Variants in ALS2 observed in about 807,000 individuals in gnomAD.
ALS2 encodes alsin.
A neutral mutation model predicts 203.4 loss-of-function variants in ALS2; 117 were observed. The observed-to-expected ratio is 0.58, with a 90% CI of 0.50 to 0.67. ALS2 has a LOEUF of 0.67. ALS2 is among the 30% of genes least tolerant of loss of function. The pLI, the probability that ALS2 is intolerant of heterozygous loss-of-function variation, is 0.00. For synonymous variants in ALS2, 718 were observed against 725.9 expected (o/e 0.99, Z 0.17); for missense variants, 1,715 against 1,989.4 (o/e 0.86, Z 2.62).
At chr2:201,720,165 G>T in intron 23 of ALS2, 1 of 421,510 alleles carries the variant, frequency 2.4e-6, no homozygotes, top group Non-Finnish European at 4.6e-6. Flanking sequence ...CACAATAAAA[G>T]AAAACTACAG....
Position 201,727,734 on chromosome 2 carries a change from T to G in ALS2, c.2883A>C (p.Ala961=), listed in dbSNP as rs1410142840. The part of the protein sequence containing the change: ...HHVFPLATLW[A]EPLSEEAGGV... Reference sequence around the variant, plus strand: ...CACCAGCTTCTTCAGACAGTGGCTCTGCCCACAGCGTGGCCAGAGGGAAAA... The same window carrying G: ...CACCAGCTTCTTCAGACAGTGGCTCGGCCCACAGCGTGGCCAGAGGGAAAA... Residue 961 remains alanine (A), a synonymous_variant, in exon 16 of 34, where the codon GCA becomes GCC. Transcript: ENST00000264276. The G allele has an allele frequency of 6.4e-7, 1 of 1,551,734 alleles. No individual in the cohort carries two copies. Among genetic ancestry groups the G allele is most frequent in the East Asian group, 2.4e-5 (1 of 40,908 alleles).
intron 1 of ALS2, among the ~76,000 whole-genome samples, chr2:201,769,738 C>T (rs1488009502): frequency 6.6e-6 from 1 of 152,072 alleles, no homozygotes; most frequent in Non-Finnish European, 1.5e-5. Flanking sequence ...CACAAGAAAA[C>T]AAAAGCAGTT....
chr2:201,705,242 C>T (rs1277468587), intron 30 of ALS2, 42 bp from the exon 31 acceptor site: 47 of 1,587,402 alleles, frequency 3.0e-5, no homozygotes, highest in Non-Finnish European at 4.0e-5. Flanking sequence ...AAACTATTTT[C>T]TGCAACAACA....
rs780151065 is a variant in ALS2, at chr2:201,706,928, C to T, written c.4498G>A (p.Glu1500Lys). The T allele has an allele frequency of 1.1e-5, 17 of 1,613,934 alleles. No homozygotes were observed. The South Asian group carries it at 1.2e-4, about 11-fold the overall frequency. The change falls in exon 29 of 34, where the codon GAG becomes AAG. Residue 1500 changes from glutamate (E) to lysine (K), a missense_variant. Around this residue, in one of 3 missense-constraint regions of ALS2, gnomAD observed 1,227 missense variants for 1,413.5 expected, o/e 0.87. Transcript: ENST00000264276. ...FMLYALDNDR[E>K]EDIYWECVLR... ...ACACATTCCCAGTAAATGTCTTCCT[C>T]GCGATCATTATCCAAAGCATAAAGC...
At chr2:201,772,014 A>G (rs1316394620) in intron 1 of ALS2, among the ~76,000 whole-genome samples, 1 of 152,244 alleles carries the variant, frequency 6.6e-6, no homozygotes, top group African/African-American at 2.4e-5. Context: ...ACCAGACTTC[A>G]GTCTTCTGAA....
intron 30 of ALS2, 90 bp from the exon 31 acceptor site, chr2:201,705,290 G>T: frequency 6.8e-7 from 1 of 1,477,230 alleles, no homozygotes; most frequent in Non-Finnish European, 9.5e-7. Context: ...CAGGTCTTTG[G>T]TAATAACAGA....
intron 13 of ALS2, among the ~76,000 whole-genome samples, chr2:201,730,070 A>G (rs115180401): frequency 0.024 from 3,706 of 152,240 alleles, 64 homozygotes; most frequent in Middle Eastern, 0.071. Flanking sequence ...AAAGGTATAT[A>G]TCTGGAATAG....
At position 201,711,503 on chromosome 2, in the gene ALS2, A is replaced by G. The variant is rs567352590; in HGVS notation, c.4005-395T>C. Among the ~76,000 whole-genome samples, 16 of 152,320 alleles carry G rather than the reference A, an allele frequency of 1.1e-4. No homozygotes were observed. In the East Asian group the frequency reaches 3.1e-3, roughly 29 times the overall value. ...ATAGACCCGTTGGTGACAACAGAAA[A>G]ATGGAATAAAAGGAATAAAAGAGGG... On this transcript the variant is annotated intron_variant, in intron 25 of 33. Transcript: ENST00000264276.
chr2:201,761,875 A>C (rs1403088510), intron 3 of ALS2, 57 bp from the exon 4 acceptor site: 10 of 1,572,370 alleles, frequency 6.4e-6, no homozygotes, highest in Admixed American at 3.6e-5. Flanking sequence ...TTAACTAAAA[A>C]TTTTAACAGC....
intron 3 of ALS2, among the ~76,000 whole-genome samples, chr2:201,764,662 T>G (rs1330570525): frequency 6.6e-6 from 1 of 150,718 alleles, no homozygotes; most frequent in Non-Finnish European, 1.5e-5. Context: ...AATAAATAAA[T>G]AAATAAATAA....
chr2:201,753,286 G>T, intron 6 of ALS2, 44 bp from the exon 7 acceptor site: 2 of 1,494,060 alleles, frequency 1.3e-6, no homozygotes, highest in Non-Finnish European at 1.9e-6. Context: ...AGTATTCTCA[G>T]CAAGAATCGT....
intron 1 of ALS2, among the ~76,000 whole-genome samples, chr2:201,770,076 T>C (rs1694306908): frequency 1.3e-5 from 2 of 152,252 alleles, no homozygotes; most frequent in African/African-American, 4.8e-5. Context: ...TACTATGCTT[T>C]GTCCATGATA....
chr2:201,704,524 G>A lies in ALS2; in HGVS notation c.4768C>T (p.Leu1590Phe). 6.2e-7 allele frequency: 1 copy of A among 1,614,150 alleles called. No individual in the cohort carries two copies. The highest frequency in any genetic ancestry group is 8.5e-7 in the Non-Finnish European group (1 of 1,180,004). The part of the protein sequence containing the change: ...EEISQSVLAS[L>F]HEDFLWSMDD... ...ATGGACCACAAGAAGTCTTCGTGGA[G>A]TGACGCCAGGACACTCTGAGAGATC... Residue 1590 changes from leucine to phenylalanine, a missense_variant, in exon 32 of 34, where the codon CTC becomes TTC. Transcript: ENST00000264276.
Position 201,727,782 on chromosome 2 carries a change from C to G in ALS2, c.2842-7G>C, listed in dbSNP as rs1267746155. 1 of 1,551,640 alleles carries G rather than the reference C, an allele frequency of 6.4e-7. No individual in the cohort carries two copies. The highest frequency in any genetic ancestry group is 8.7e-7 in the Non-Finnish European group (1 of 1,146,950). On this transcript the variant is annotated splice_region_variant and splice_polypyrimidine_tract_variant and intron_variant, in intron 15 of 33. Coordinates refer to ENST00000264276, the MANE Select transcript of ALS2 (RefSeq NM_020919.4). ...AAACATGGTGCGTGGAGAACTGAAA[C>G]AGAGAACACGGAGGCACTTTTATGA... is the stretch of plus-strand genomic sequence containing the variant.
At chr2:201,722,549 C>T (rs78070262) in intron 23 of ALS2, 1 of 153,954 alleles carries the variant, frequency 6.5e-6, no homozygotes, top group East Asian at 1.9e-4. Flanking sequence ...TTTATAGCAG[C>T]ATTATTTACA....
intron 3 of ALS2, among the ~76,000 whole-genome samples, chr2:201,764,097 A>G (rs1363901623): frequency 1.3e-5 from 2 of 152,202 alleles, no homozygotes; most frequent in African/African-American, 2.4e-5. Flanking sequence ...AATAGTGGCT[A>G]CAGGGAAGAT....
intron 11 of ALS2, among the ~76,000 whole-genome samples, chr2:201,739,730 C>T (rs1484520172): frequency 3.7e-4 from 51 of 139,416 alleles, no homozygotes; most frequent in Admixed American, 6.7e-4. Flanking sequence ...GCAACAAGAG[C>T]GAAACTCCAG....
intron 10 of ALS2, among the ~76,000 whole-genome samples, chr2:201,743,573 C>T (rs1426068960): frequency 6.6e-6 from 1 of 152,138 alleles, no homozygotes; most frequent in Non-Finnish European, 1.5e-5. Flanking sequence ...CAACCTCCAC[C>T]TCCCGGGTTC....
intron 1 of ALS2, among the ~76,000 whole-genome samples, chr2:201,772,850 A>ATTTTTTTTT (rs578253808): frequency 9.2e-5 from 10 of 108,846 alleles, no homozygotes; most frequent in East Asian, 5.7e-4. Flanking sequence ...TGCTTTCATG[A>ATTTTTTTTT]TTTTTTTTTT....
Sources: gnomAD v4.1 joint callset for allele counts (sites outside exome capture counted in the v4.1 genomes callset) on GRCh38, gnomAD v4.1.1 for gene constraint, gnomAD v4.1.1 regional missense constraint, MANE v1.5 for transcripts, NCBI Gene and HGNC (gene_info 2026-07-23, HGNC 2026-07-21) for gene names.